Variants in ERBB4 observed in about 807,000 individuals in gnomAD.
ERBB4 encodes erb-b2 receptor tyrosine kinase 4, also known as receptor tyrosine-protein kinase erbB-4.
A neutral mutation model predicts 158.0 loss-of-function variants in ERBB4; 42 were observed. The observed-to-expected ratio is 0.27, with a 90% confidence interval of 0.21 to 0.34. ERBB4 has a LOEUF of 0.34. ERBB4 is among the 10% of genes least tolerant of loss of function. ERBB4 has a pLI of 1.00. For missense variants in ERBB4, 1,333 were observed against 1,624.1 expected (o/e 0.82, Z 3.08); for synonymous variants, 583 against 558.7 (o/e 1.04, Z -0.61).
rs558095774 is a variant in ERBB4 at position 212,000,220 on chromosome 2, C to T, written c.235-52604G>A. Among the ~76,000 whole-genome samples, 60 of 151,886 alleles carry T rather than the reference C, an allele frequency of 4.0e-4. 1 individual carries two copies. The South Asian group carries it at 0.012, about 32-fold the overall frequency. On this transcript the variant is annotated intron_variant, in intron 2 of 27. Coordinates refer to ENST00000342788, the MANE Select transcript of ERBB4 (RefSeq NM_005235.3). Reference sequence around the variant, plus strand: ...TATTGCCTCTGACAACTTTTGAATGCTAAGACTAATCCTCAGATAATACAG... The same window carrying T: ...TATTGCCTCTGACAACTTTTGAATGTTAAGACTAATCCTCAGATAATACAG...
In ERBB4 at chr2:211,386,998, G is replaced by A; in HGVS notation, c.3336C>T (p.Arg1112=). The change falls in exon 27 of 28, where the codon CGC becomes CGT. Residue 1112 remains arginine, a synonymous_variant. Transcript: ENST00000342788. ...FDDSCCNGTL[R]KPVAPHVQED... ...CTTGGACATGGGGTGCCACTGGCTT[G>A]CGTAGGGTGCCATTACAGCAGGAGT... 2 of 1,613,652 alleles carry A rather than the reference G, an allele frequency of 1.2e-6. No homozygotes were observed. The highest frequency in any genetic ancestry group is 1.7e-6 in the Non-Finnish European group (2 of 1,179,958).
At position 211,840,790 on chromosome 2, in the gene ERBB4, T is replaced by G. The variant is rs570352372; in HGVS notation, c.422-52631A>C. Among the ~76,000 whole-genome samples, 4 of 152,238 alleles carry G rather than the reference T, an allele frequency of 2.6e-5. No homozygotes were observed. In the South Asian group the frequency reaches 8.3e-4, roughly 32 times the overall value. Reference sequence around the variant, plus strand: ...GATAAACCTTGATTCAGCAAGGTTTTGTGCTTGAAATATTATCTAATAATA... The same window carrying G: ...GATAAACCTTGATTCAGCAAGGTTTGGTGCTTGAAATATTATCTAATAATA... On this transcript the variant is annotated intron_variant, in intron 3 of 27. Transcript: ENST00000342788.
At chr2:212,239,834 T>C (rs1468185288) in intron 1 of ERBB4, among the ~76,000 whole-genome samples, 1 of 152,162 alleles carries the variant, frequency 6.6e-6, no homozygotes, top group Non-Finnish European at 1.5e-5. Flanking sequence ...TTTTATCCTG[T>C]CAGAACTCTA....
rs769458178 is a variant in ERBB4 at position 211,570,325 on chromosome 2, C to CTTTTTTTTTTT, written c.2302-8248_2302-8238dup. 4.3e-4 allele frequency among the ~76,000 whole-genome samples: 45 copies of CTTTTTTTTTTT among 105,212 alleles called. 1 individual carries two copies. Among genetic ancestry groups the CTTTTTTTTTTT allele is most frequent in the African/African-American group, 8.7e-4 (22 of 25,354 alleles). 69.0% of individuals were successfully genotyped at this position (105,212 alleles called of 152,430 possible). On this transcript the variant is annotated intron_variant, in intron 19 of 27. Coordinates refer to ENST00000342788, the MANE Select transcript of ERBB4 (RefSeq NM_005235.3). ...CGCCACCACACTTGGCTAATTTTTG[C>CTTTTTTTTTTT]TTTTTTTTTTTTTTTTTTCTCAGTA...
chr2:211,640,101 G>A (rs1002982704), intron 16 of ERBB4, among the ~76,000 whole-genome samples: 2 of 150,776 alleles, frequency 1.3e-5, no homozygotes, highest in Non-Finnish European at 2.9e-5. Flanking sequence ...AAGCATTTTT[G>A]ATTTTTTTTT....
At chr2:212,029,622 T>A (rs917613305) in intron 2 of ERBB4, among the ~76,000 whole-genome samples, 1 of 152,196 alleles carries the variant, frequency 6.6e-6, no homozygotes, top group Non-Finnish European at 1.5e-5. Context: ...GTGCTTTCTA[T>A]AATTTGCAAT....
chr2:211,866,525 G>A (rs1007658009), intron 3 of ERBB4, among the ~76,000 whole-genome samples: 2 of 152,036 alleles, frequency 1.3e-5, no homozygotes, highest in African/African-American at 4.8e-5. Flanking sequence ...AGGAGAAATC[G>A]AAGCTAAGTT....
intron 20 of ERBB4, among the ~76,000 whole-genome samples, chr2:211,465,957 C>T (rs180834119): frequency 1.5e-4 from 23 of 152,142 alleles, no homozygotes; most frequent in African/African-American, 5.1e-4. Context: ...AAGCTAAGTT[C>T]GGAATAAACA....
intron 1 of ERBB4, among the ~76,000 whole-genome samples, chr2:212,297,761 C>G (rs1260630219): frequency 6.6e-6 from 1 of 151,558 alleles, no homozygotes; most frequent in East Asian, 1.9e-4. Flanking sequence ...ATAATGCATA[C>G]TCAAATCTAA....
At chr2:211,884,624 C>T (rs1200116847) in intron 3 of ERBB4, among the ~76,000 whole-genome samples, 1 of 152,100 alleles carries the variant, frequency 6.6e-6, no homozygotes, top group Admixed American at 6.5e-5. Context: ...TGCCCATTTC[C>T]CACATGTATC....
rs529997890 is a variant in ERBB4 at position 212,057,797 on chromosome 2, T to C, written c.234+66955A>G. Among the ~76,000 whole-genome samples, 14 of 152,070 alleles carry C rather than the reference T, an allele frequency of 9.2e-5. No homozygotes were observed. In the East Asian group the frequency reaches 2.7e-3, roughly 29 times the overall value. On this transcript the variant is annotated intron_variant, in intron 2 of 27. Coordinates refer to ENST00000342788, the MANE Select transcript of ERBB4 (RefSeq NM_005235.3). The stretch of plus-strand genomic sequence containing the variant: ...TTCAAAGCAGTGTGTAGAGGGAAAT[T>C]TATAGCACTAAATGCCCACAAGAGA...
intron 2 of ERBB4, among the ~76,000 whole-genome samples, chr2:212,103,415 G>A (rs556378704): frequency 6.6e-6 from 1 of 151,984 alleles, no homozygotes; most frequent in East Asian, 1.9e-4. Context: ...TAATATATGT[G>A]ATTTTAATGC....
intron 20 of ERBB4, among the ~76,000 whole-genome samples, chr2:211,501,262 T>A (rs2065607159): frequency 6.6e-6 from 1 of 151,836 alleles, no homozygotes; most frequent in Non-Finnish European, 1.5e-5. Flanking sequence ...TTAGATGGAA[T>A]AAGATCTAAT....
At chr2:212,369,124 C>CTCTA (rs2089996834) in intron 1 of ERBB4, among the ~76,000 whole-genome samples, 1 of 152,030 alleles carries the variant, frequency 6.6e-6, no homozygotes, top group Non-Finnish European at 1.5e-5. Flanking sequence ...TTTGTTTGGT[C>CTCTA]TCTACACTGT....
intron 25 of ERBB4, among the ~76,000 whole-genome samples, chr2:211,398,853 G>GC (rs2062975653): frequency 6.6e-6 from 1 of 152,030 alleles, no homozygotes; most frequent in Non-Finnish European, 1.5e-5. Flanking sequence ...AAACAAAACT[G>GC]CAAGACCTAC....
intron 1 of ERBB4, among the ~76,000 whole-genome samples, chr2:212,510,794 C>A (rs1691474278): frequency 6.6e-6 from 1 of 151,992 alleles, no homozygotes; most frequent in African/African-American, 2.4e-5. Flanking sequence ...AAATGTCTAT[C>A]TGGAAAAATA....
intron 1 of ERBB4, among the ~76,000 whole-genome samples, chr2:212,477,889 T>C: frequency 6.6e-6 from 1 of 152,124 alleles, no homozygotes; most frequent in East Asian, 1.9e-4. Flanking sequence ...TTCTCTGGCA[T>C]CTCTCTTGCA....
Position 211,762,735 on chromosome 2 carries a change from A to G in ERBB4, c.557-12031T>C, listed in dbSNP as rs541064123. Among the ~76,000 whole-genome samples, 186 of 152,346 alleles carry G rather than the reference A, an allele frequency of 1.2e-3. 1 individual carries two copies. The highest frequency in any genetic ancestry group is 2.2e-3 in the Non-Finnish European group (150 of 68,026). ...GCTAAAATTCAAGCAAAAGAAATTT[A>G]CTGCTCTCAAAGGACATGAAATGGG... On this transcript the variant is annotated intron_variant, in intron 4 of 27. Transcript: ENST00000342788.
chr2:211,905,171 G>A (rs1237052139), intron 3 of ERBB4, among the ~76,000 whole-genome samples: 2 of 152,046 alleles, frequency 1.3e-5, no homozygotes, highest in Non-Finnish European at 2.9e-5. Context: ...AGGGTTAGCA[G>A]GGTTCTGGAG....
Sources: gnomAD v4.1 joint callset for allele counts (sites outside exome capture counted in the v4.1 genomes callset) on GRCh38, gnomAD v4.1.1 for gene constraint, MANE v1.5 for transcripts, NCBI Gene and HGNC (gene_info 2026-07-23, HGNC 2026-07-21) for gene names.